The following HERC1 variants were observed in gnomAD, a reference collection of about 807,000 sequenced individuals.
HERC1 encodes probable E3 ubiquitin-protein ligase HERC1.
In HERC1, 160 loss-of-function variants were observed where a neutral mutation model predicts 554.3. That is an observed-to-expected ratio of 0.29 (90% CI 0.25 to 0.33). The LOEUF (loss-of-function observed/expected upper bound fraction) is 0.33. Ranked by LOEUF, HERC1 falls within the 10% of genes least tolerant of loss-of-function variation. The pLI is 1.00. For missense variants in HERC1, 4,919 were observed against 5,918.5 expected, an observed-to-expected ratio of 0.83 and a Z score of 5.54; for synonymous variants, 2,175 against 2,131.7, an observed-to-expected ratio of 1.02 and a Z score of -0.56.
intron 19 of HERC1, among the ~76,000 whole-genome samples, chr15:63,721,937 T>G (rs542577188): frequency 6.6e-6 from 1 of 152,366 alleles, no homozygotes; most frequent in Non-Finnish European, 1.5e-5. Flanking sequence ...CTTGACTCAC[T>G]GCAACCTCCA....
intron 76 of HERC1, among the ~76,000 whole-genome samples, chr15:63,615,103 C>A (rs1179311008): frequency 6.6e-6 from 1 of 152,162 alleles, no homozygotes; most frequent in East Asian, 1.9e-4. Context: ...TGGGCCCTGA[C>A]TAACCCAACT....
chr15:63,670,282 T>G (rs1044381693), intron 39 of HERC1, among the ~76,000 whole-genome samples: 1 of 152,140 alleles, frequency 6.6e-6, no homozygotes, highest in Non-Finnish European at 1.5e-5. Flanking sequence ...CCGATGAGAA[T>G]GTGGAGCATG....
At chr15:63,804,744 C>A (rs2077089553) in intron 1 of HERC1, among the ~76,000 whole-genome samples, 1 of 152,076 alleles carries the variant, frequency 6.6e-6, no homozygotes, top group South Asian at 2.1e-4. Flanking sequence ...AGAACCCTTA[C>A]AACTCAATAA....
At chr15:63,652,185 CTAG>C (rs1327572182) in intron 52 of HERC1, among the ~76,000 whole-genome samples, 3 of 152,274 alleles carry the variant, frequency 2.0e-5, no homozygotes, top group Middle Eastern at 3.4e-3. Flanking sequence ...CATTTATTTA[CTAG>C]TAGATCTTGA....
At chr15:63,688,764 A>G (rs1207488848) in intron 33 of HERC1, among the ~76,000 whole-genome samples, 1 of 152,324 alleles carries the variant, frequency 6.6e-6, no homozygotes, top group African/African-American at 2.4e-5. Flanking sequence ...GATATAAATC[A>G]ATGGAGGCTA....
chr15:63,786,917 A>ATTTT (rs1378851561), intron 1 of HERC1, among the ~76,000 whole-genome samples: 107 of 126,932 alleles, frequency 8.4e-4, no homozygotes, highest in Non-Finnish European at 1.1e-3. Flanking sequence ...TCAATAAATT[A>ATTTT]TTATTTTTTT....
chr15:63,665,783 T>G (rs1595924229), intron 42 of HERC1, 136 bp downstream of exon 42: 1 of 619,918 alleles, frequency 1.6e-6, no homozygotes, highest in East Asian at 2.8e-5. Context: ...AACTTGTAAC[T>G]AAAATGCCCA....
intron 1 of HERC1, among the ~76,000 whole-genome samples, chr15:63,777,973 A>G (rs568664511): frequency 7.2e-5 from 11 of 152,296 alleles, no homozygotes; most frequent in African/African-American, 2.6e-4. Flanking sequence ...TTATACCAAC[A>G]CCATTTATTA....
chr15:63,813,761 T>C (rs1055324679), intron 1 of HERC1, among the ~76,000 whole-genome samples: 1 of 152,176 alleles, frequency 6.6e-6, no homozygotes, highest in African/African-American at 2.4e-5. Context: ...CCTATCAATG[T>C]CCTCTTTCAA....
chr15:63,725,509 CCCT>C lies in HERC1; in HGVS notation c.3348_3350del (p.Gly1117del). On this transcript the variant is annotated inframe_deletion and splice_region_variant, in exon 18 of 78. Transcript: ENST00000443617. ...GACCAGCAGGATCAATTAGTTCTGG[CCCT>C]CCTAAAGACAAAATCATTAGTTATT... 6.2e-7 allele frequency: 1 copy of C among 1,613,108 alleles called. No homozygotes were observed. The highest frequency in any genetic ancestry group is 8.5e-7 in the Non-Finnish European group (1 of 1,179,322).
At chr15:63,635,512 ATTGT>A (rs970415878) in intron 65 of HERC1, among the ~76,000 whole-genome samples, 2 of 152,248 alleles carry the variant, frequency 1.3e-5, no homozygotes, top group Non-Finnish European at 1.5e-5. Flanking sequence ...AAATGGGGAA[ATTGT>A]TTGTAAACTA....
chr15:63,763,983 G>A (rs536064725), intron 3 of HERC1, 113 bp downstream of exon 3: 14 of 424,354 alleles, frequency 3.3e-5, no homozygotes, highest in South Asian at 7.5e-5. Context: ...AACAACTGGT[G>A]CCACTTCCTT....
In HERC1 at chr15:63,630,643, A is replaced by C; in HGVS notation, c.12797-8T>G. 1 of 1,606,546 alleles carries C rather than the reference A, an allele frequency of 6.2e-7. No individual in the cohort carries two copies. Among genetic ancestry groups the C allele is most frequent in the African/African-American group, 1.3e-5 (1 of 74,614 alleles). Reference sequence around the variant, plus strand: ...GCAAGCCTATCAGGCGATCTGAAAAAAACAAAACAAAAACATGTGGAAATG... The same window carrying C: ...GCAAGCCTATCAGGCGATCTGAAAACAACAAAACAAAAACATGTGGAAATG... On this transcript the variant is annotated splice_region_variant and splice_polypyrimidine_tract_variant and intron_variant, in intron 68 of 77. Coordinates refer to ENST00000443617, the MANE Select transcript of HERC1 (RefSeq NM_003922.4).
chr15:63,827,775 A>G (rs1341301409), intron 1 of HERC1, among the ~76,000 whole-genome samples: 1 of 152,256 alleles, frequency 6.6e-6, no homozygotes, highest in African/African-American at 2.4e-5. Context: ...AAAATGTAGT[A>G]TATTCACATA....
At chr15:63,693,861 T>A in intron 30 of HERC1, 103 bp downstream of exon 30, 1 of 1,188,440 alleles carries the variant, frequency 8.4e-7, no homozygotes, top group South Asian at 1.6e-5. Flanking sequence ...AAAAATCCCA[T>A]CATACCTCAT....
chr15:63,624,348 A>T, intron 71 of HERC1, 21 bp from the exon 72 acceptor site: 2 of 1,564,368 alleles, frequency 1.3e-6, no homozygotes, highest in Non-Finnish European at 1.7e-6. Context: ...AGGTACGGTT[A>T]TCAGAAATGG....
intron 14 of HERC1, among the ~76,000 whole-genome samples, chr15:63,732,198 AC>A (rs2074326037): frequency 6.6e-6 from 1 of 152,056 alleles, no homozygotes; most frequent in African/African-American, 2.4e-5. Context: ...ACGGGGTTTC[AC>A]CATATCGGCC....
At chr15:63,620,646 A>T (rs2068035248) in intron 74 of HERC1, among the ~76,000 whole-genome samples, 1 of 151,984 alleles carries the variant, frequency 6.6e-6, no homozygotes. Context: ...TTTGTAGGTC[A>T]CTAAGGACTT....
chr15:63,775,036 T>G lies in HERC1; in HGVS notation c.588A>C (p.Ala196=), dbSNP rs185650033. ...GTGGCAAAGAGCTCACAACTTCAAT[T>G]GCAGTATGAATGACATCGTTGCAAA... ...LSLCNDVIHT[A]IEVVSSLPPL... The change falls in exon 2 of 78, where the codon GCA becomes GCC. Residue 196 remains alanine (A), a synonymous_variant. Transcript: ENST00000443617. The surrounding 1 kb of genome is among the most constrained non-coding windows in gnomAD (Gnocchi z 4.0). 1.9e-5 allele frequency: 30 copies of G among 1,614,014 alleles called. No individual in the cohort carries two copies. The highest frequency in any genetic ancestry group is 1.0e-4 in the Admixed American group (6 of 60,028).
Sources: gnomAD v4.1 joint callset for allele counts (sites outside exome capture counted in the v4.1 genomes callset) on GRCh38, gnomAD v4.1.1 for gene constraint, Gnocchi (gnomAD v3.1) non-coding constraint, MANE v1.5 for transcripts, NCBI Gene and HGNC (gene_info 2026-07-23, HGNC 2026-07-21) for gene names.